AFF1: variants seen among roughly 807,000 people sequenced by gnomAD.
AFF1 encodes ALF transcription elongation factor 1.
A neutral mutation model predicts 121.7 loss-of-function variants in AFF1; 48 were observed. The ratio of observed to expected loss-of-function variants is 0.39; its 90% CI spans 0.31 to 0.50. AFF1 has a LOEUF of 0.50. AFF1 is among the 20% of genes least tolerant of loss of function. The probability of loss-of-function intolerance (pLI) is 0.76; values close to 1 mark genes in which losing one functional copy is unlikely to be tolerated. For synonymous variants in AFF1, 613 were observed against 563.0 expected (o/e 1.09, Z -1.26); for missense variants, 1,523 against 1,511.7 (o/e 1.01, Z -0.12).
At chr4:86,939,392 TATAA>T (rs1355144901) in intron 1 of AFF1, among the ~76,000 whole-genome samples, 6 of 152,256 alleles carry the variant, frequency 3.9e-5, no homozygotes, top group South Asian at 2.1e-4. Flanking sequence ...GACTCTAAAA[TATAA>T]ATAGTGTTTC....
chr4:87,127,167 C>CAA (rs1728342660), intron 15 of AFF1, 50 bp downstream of exon 15: 1 of 998,022 alleles, frequency 1.0e-6, no homozygotes, highest in Admixed American at 2.4e-5. Context: ...TGTTTTGCTT[C>CAA]CCCCCCCCAC....
intron 1 of AFF1, among the ~76,000 whole-genome samples, chr4:86,943,070 TC>T (rs1457846246): frequency 6.6e-6 from 1 of 152,212 alleles, no homozygotes; most frequent in African/African-American, 2.4e-5. Context: ...AGTGGAGGCC[TC>T]TCTGAGAATG....
intron 16 of AFF1, 24 bp downstream of exon 16, chr4:87,127,727 T>G (rs1217478267): frequency 6.2e-7 from 1 of 1,611,356 alleles, no homozygotes; most frequent in African/African-American, 1.3e-5. Flanking sequence ...CTTTATCTCT[T>G]TGGTAGAATG....
At chr4:87,045,324 A>G (rs1244402569) in intron 2 of AFF1, among the ~76,000 whole-genome samples, 2 of 152,110 alleles carry the variant, frequency 1.3e-5, no homozygotes, top group African/African-American at 4.8e-5. Flanking sequence ...TTTTAATCAT[A>G]CATTGCGTGT....
intron 11 of AFF1, among the ~76,000 whole-genome samples, chr4:87,110,464 TTGTTTTGTTTTGTTTTGTTTTGTTG>T (rs1380792945): frequency 2.0e-5 from 3 of 146,504 alleles, no homozygotes; most frequent in African/African-American, 7.4e-5. Flanking sequence ...TTGTTTTGTT[TTGTTTTGTTTTGTTTTGTTTTGTTG>T]GTACCGATTA....
intron 2 of AFF1, among the ~76,000 whole-genome samples, chr4:86,997,243 T>G (rs575502592): frequency 1.3e-5 from 2 of 152,220 alleles, no homozygotes; most frequent in African/African-American, 4.8e-5. Flanking sequence ...GGAAGAGACC[T>G]GCAGTAGCAT....
intron 2 of AFF1, among the ~76,000 whole-genome samples, chr4:87,015,659 C>A (rs1216677803): frequency 3.9e-5 from 6 of 152,184 alleles, no homozygotes; most frequent in African/African-American, 1.4e-4. Flanking sequence ...GGGGCCTCCT[C>A]TTAAAAACAC....
At chr4:87,031,424 T>C (rs1729072346) in intron 2 of AFF1, among the ~76,000 whole-genome samples, 1 of 151,606 alleles carries the variant, frequency 6.6e-6, no homozygotes, top group Admixed American at 6.6e-5. Context: ...ACCTCTACTA[T>C]CACTCTTAGC....
chr4:87,108,388 TGG>T lies in AFF1; in HGVS notation c.1533+75_1533+76del. Reference sequence around the variant, plus strand: ...TCCTTTGAAGTTAGAGTCAGTGCTGTGGGCCAGGACTGACCATGAGACTGAGT... The same window carrying T: ...TCCTTTGAAGTTAGAGTCAGTGCTGTGCCAGGACTGACCATGAGACTGAGT... On this transcript the variant is annotated intron_variant, in intron 11 of 20. Transcript: ENST00000395146. The T allele has an allele frequency of 7.2e-6, 11 of 1,520,860 alleles. No individual in the cohort carries two copies. In the South Asian group the frequency reaches 1.3e-4, roughly 19 times the overall value. The allele number at this position is 1,520,860 out of a possible 1,614,324, so 94.2% of individuals were successfully genotyped here. A position where few individuals can be genotyped will look rare whatever the true frequency, so the allele number is the denominator to read the frequency against.
At chr4:87,035,731 C>G (rs1729504441) in intron 2 of AFF1, among the ~76,000 whole-genome samples, 1 of 152,130 alleles carries the variant, frequency 6.6e-6, no homozygotes, top group Admixed American at 6.5e-5. Context: ...GGCCACATTC[C>G]AAATGAGAAG....
At chr4:87,128,330 G>T (rs1728490649) in intron 16 of AFF1, among the ~76,000 whole-genome samples, 1 of 152,170 alleles carries the variant, frequency 6.6e-6, no homozygotes, top group South Asian at 2.1e-4. Context: ...TTTCTAAAAG[G>T]TGGTGGTTTT....
At chr4:87,010,601 A>G (rs1726638461) in intron 2 of AFF1, among the ~76,000 whole-genome samples, 1 of 152,224 alleles carries the variant, frequency 6.6e-6, no homozygotes, top group South Asian at 2.1e-4. Flanking sequence ...TAAACCTAAC[A>G]GTTTATAGAC....
At chr4:87,046,660 T>G (rs1047422475) in intron 3 of AFF1, 35 bp from the exon 4 acceptor site, 2 of 1,567,316 alleles carry the variant, frequency 1.3e-6, no homozygotes, top group Non-Finnish European at 1.7e-6. Context: ...TTTTCCTTAG[T>G]TTTTTTTCAT....
intron 4 of AFF1, among the ~76,000 whole-genome samples, chr4:87,079,019 A>C (rs1722927838): frequency 6.6e-6 from 1 of 152,150 alleles, no homozygotes; most frequent in African/African-American, 2.4e-5. Context: ...ACCTTCTCAC[A>C]ATGAGGAAAT....
intron 2 of AFF1, among the ~76,000 whole-genome samples, chr4:87,010,481 A>G (rs1726629073): frequency 6.6e-6 from 1 of 152,200 alleles, no homozygotes; most frequent in Non-Finnish European, 1.5e-5. Context: ...AAATTGCAAC[A>G]AACTTGCTTT....
chr4:87,075,610 A>G (rs1722580389), intron 4 of AFF1, among the ~76,000 whole-genome samples: 3 of 152,292 alleles, frequency 2.0e-5, no homozygotes, highest in South Asian at 4.1e-4. Context: ...TGTTACTGTC[A>G]TATCTGAAAT....
rs1721030015 is a variant in AFF1 at position 86,948,541 on chromosome 4, T to A, written c.8T>A (p.Phe3Tyr). Residue 3 changes from phenylalanine to tyrosine, a missense_variant, in exon 2 of 21, where the codon TTT becomes TAT. This residue lies in a region of AFF1 where 369 missense variants were observed against 367.2 expected (regional missense o/e 1.00). Transcript: ENST00000395146. MA[F>Y]TERVNSSGNS... ...TTGCATTGACTGGAAACAATGGCAT[T>A]TACAGAAAGAGTCAACAGCAGTGGC... is the stretch of plus-strand genomic sequence containing the variant. 1 of 1,536,828 alleles carries A rather than the reference T, an allele frequency of 6.5e-7. No individual in the cohort carries two copies. Among genetic ancestry groups the A allele is most frequent in the Non-Finnish European group, 8.7e-7 (1 of 1,146,726 alleles).
chr4:86,966,198 T>C (rs950916330), intron 2 of AFF1, among the ~76,000 whole-genome samples: 2 of 151,996 alleles, frequency 1.3e-5, no homozygotes, highest in Admixed American at 1.3e-4. Flanking sequence ...TACTACAGTA[T>C]ATTTTGCACT....
At chr4:86,974,905 T>C (rs1684154502) in intron 2 of AFF1, among the ~76,000 whole-genome samples, 1 of 152,182 alleles carries the variant, frequency 6.6e-6, no homozygotes, top group South Asian at 2.1e-4. Context: ...TTACCCTCTT[T>C]CATCTTATGA....
Sources: allele counts gnomAD v4.1 joint callset (sites outside exome capture counted in the v4.1 genomes callset), GRCh38; gene constraint gnomAD v4.1.1; regional missense constraint gnomAD v4.1.1; transcripts MANE v1.5; gene names NCBI Gene and HGNC (gene_info 2026-07-23, HGNC 2026-07-21).